Variants in RP1L1 observed in about 807,000 individuals in gnomAD.
RP1L1 encodes the protein retinitis pigmentosa 1-like 1 protein.
In RP1L1, 27 loss-of-function variants were observed where a neutral mutation model predicts 15.7. That is an observed-to-expected ratio of 1.72 (90% CI 1.27 to 2.38). The LOEUF (loss-of-function observed/expected upper bound fraction) is 2.38, where lower values mean the gene tolerates loss of function less well. RP1L1 is among the 30% of genes most tolerant of loss of function. The pLI is 0.00. For synonymous variants in RP1L1, 1,813 were observed against 1,276.7 expected (o/e 1.42, Z -8.96); for missense variants, 4,798 against 3,075.9 (o/e 1.56, Z -13.24).
intron 1 of RP1L1, among the ~76,000 whole-genome samples, chr8:10,654,517 C>G (rs1199466212): frequency 6.6e-6 from 1 of 152,122 alleles, no homozygotes; most frequent in South Asian, 2.1e-4. Flanking sequence ...GGGGCAGCTG[C>G]CCACCTCTCC....
chr8:10,652,542 C>G (rs1798578155), intron 1 of RP1L1, among the ~76,000 whole-genome samples: 1 of 152,186 alleles, frequency 6.6e-6, no homozygotes. Context: ...GCTTGGAAAG[C>G]TTCAATGACT....
At position 10,612,589 on chromosome 8, in the gene RP1L1, G is replaced by A. The variant is rs371771522; in HGVS notation, c.1509C>T (p.Pro503=). The A allele has an allele frequency of 1.2e-4, 194 of 1,604,252 alleles. 1 individual carries two copies. The highest frequency in any genetic ancestry group is 3.3e-4 in the Middle Eastern group (2 of 6,058). ...GCCCTGCTCCATCTATGCATAGGCC[G>A]GGGTCCTCACCCAGGCTCCCTCCAG... is the stretch of plus-strand genomic sequence containing the variant. The part of the protein sequence containing the change: ...RKAGGSLGED[P]GLCIDGAGLG... The change falls in exon 4 of 4, where the codon CCC becomes CCT. Residue 503 remains proline, a synonymous_variant. Transcript: ENST00000382483.
intron 1 of RP1L1, among the ~76,000 whole-genome samples, chr8:10,635,937 C>A (rs946139079): frequency 6.6e-6 from 1 of 152,200 alleles, no homozygotes; most frequent in Admixed American, 6.5e-5. Context: ...CGGACAAAAC[C>A]ATCCCCATGG....
intron 2 of RP1L1, among the ~76,000 whole-genome samples, chr8:10,617,530 T>TTTTCTG (rs367833660): frequency 1.3e-4 from 19 of 149,310 alleles, no homozygotes; most frequent in African/African-American, 4.6e-4. Flanking sequence ...GTTTTTGTTT[T>TTTTCTG]TTTCTGTTTC....
intron 1 of RP1L1, among the ~76,000 whole-genome samples, chr8:10,630,639 C>T (rs1798226972): frequency 6.6e-6 from 1 of 152,234 alleles, no homozygotes; most frequent in Non-Finnish European, 1.5e-5. Context: ...TGCCTGGGCT[C>T]TGCCTCCCTA....
At position 10,622,877 on chromosome 8, in the gene RP1L1, G is replaced by T. The variant is rs753986463; in HGVS notation, c.325C>A (p.Pro109Thr). The change falls in exon 2 of 4, where the codon CCC (proline) becomes ACC (threonine). Residue 109 changes from proline to threonine, a missense_variant. Transcript: ENST00000382483. The part of the protein sequence containing the change: ...GGCYLCSDKK[P>T]PKTPSGPGRP... ...CCTGGTCCACTGGGGGTCTTGGGGG[G>T]CTTCTTATCAGAGCAGAGGTAGCAG... 9 of 1,613,352 alleles carry T rather than the reference G, an allele frequency of 5.6e-6. No homozygotes were observed. The Admixed American group carries it at 1.0e-4, about 18-fold the overall frequency.
chr8:10,612,345 T>C lies in RP1L1; in HGVS notation c.1753A>G (p.Arg585Gly), dbSNP rs767949121. The C allele has an allele frequency of 3.8e-5, 62 of 1,613,062 alleles. No individual in the cohort carries two copies. Among genetic ancestry groups the C allele is most frequent in the Non-Finnish European group, 4.9e-5 (58 of 1,180,030 alleles). ...GTCTCTGCCTGCAGGTCGTCACTCC[T>C]TAAAGATGAAAGACTCAGGGCTGGA... ...ASPALSLSSLRSDDLQAETQG... is the reference protein window; with the variant it reads ...ASPALSLSSLGSDDLQAETQG... Residue 585 changes from arginine (R) to glycine (G), a missense_variant, in exon 4 of 4, where the codon AGG (arginine) becomes GGG (glycine). Transcript: ENST00000382483.
rs1456536093 is a variant in RP1L1 at position 10,606,903 on chromosome 8, C to G, written c.7195G>C (p.Asp2399His). ...TTCTAGCTTGATCTTGTCTAGAAAT[C>G]TAAGTCATCTTGGCCAAAGCCGTCT... ...RADGFGQDDL[D>H]F Residue 2399 changes from aspartate to histidine, a missense_variant, in exon 4 of 4, where the codon GAT becomes CAT. Asp to His is a moderately conservative substitution (Grantham distance 81). Transcript: ENST00000382483. 2 of 1,614,220 alleles carry G rather than the reference C, an allele frequency of 1.2e-6. No individual in the cohort carries two copies. The highest frequency in any genetic ancestry group is 2.2e-5 in the South Asian group (2 of 91,078).
chr8:10,647,196 C>T (rs926680962), intron 1 of RP1L1, among the ~76,000 whole-genome samples: 2 of 152,242 alleles, frequency 1.3e-5, no homozygotes, highest in African/African-American at 2.4e-5. Flanking sequence ...CTCCCTATAA[C>T]GGAGACTGGT....
Position 10,608,033 on chromosome 8 carries a change from C to G in RP1L1, c.6065G>C (p.Gly2022Ala), listed in dbSNP as rs1405312380. 6.2e-7 allele frequency: 1 copy of G among 1,607,396 alleles called. No homozygotes were observed. The highest frequency in any genetic ancestry group is 2.3e-5 in the East Asian group (1 of 44,324). ...TTCTGACTTTGGCTGGGCCTCTACA[C>G]CGTCTGACTCTGGCTGGGCCTCCTC... ...AEEEAQPESD[G>A]VEAQPKSEGE... Residue 2022 changes from glycine (G) to alanine (A), a missense_variant, in exon 4 of 4, where the codon GGT (glycine) becomes GCT (alanine). By Grantham distance (60) the Gly-to-Ala change is moderately conservative (BLOSUM62 0). Transcript: ENST00000382483.
At chr8:10,648,168 A>T (rs1026505238) in intron 1 of RP1L1, among the ~76,000 whole-genome samples, 2 of 151,888 alleles carry the variant, frequency 1.3e-5, no homozygotes, top group African/African-American at 4.8e-5. Flanking sequence ...AGTAGCTGGG[A>T]CTATAGGCAT....
rs767232077 is a variant in RP1L1 at position 10,610,545 on chromosome 8, C to T, written c.3553G>A (p.Gly1185Arg). 3 of 1,613,730 alleles carry T rather than the reference C, an allele frequency of 1.9e-6. No homozygotes were observed. The highest frequency in any genetic ancestry group is 2.5e-6 in the Non-Finnish European group (3 of 1,180,018). ...LTWSQALPDL[G>R]SHAMTENFTP... ...AAGTTCTCCGTCATGGCATGGGACCCAAGGTCTGGCAGAGCCTGGCTCCAT... is the reference window on the plus strand; with the variant it reads ...AAGTTCTCCGTCATGGCATGGGACCTAAGGTCTGGCAGAGCCTGGCTCCAT... The change falls in exon 4 of 4, where the codon GGG becomes AGG. Residue 1185 changes from glycine to arginine, a missense_variant. Coordinates refer to ENST00000382483, the MANE Select transcript of RP1L1 (RefSeq NM_178857.6).
In RP1L1 at chr8:10,611,420, C is replaced by G; in HGVS notation, c.2678G>C (p.Arg893Pro). The G allele has an allele frequency of 6.3e-7, 1 of 1,586,850 alleles. No homozygotes were observed. Among genetic ancestry groups the G allele is most frequent in the Non-Finnish European group, 8.6e-7 (1 of 1,168,710 alleles). ...TGGGGACGGCGTGGGGCCTGGCTGG[C>G]GTGTCCCCTCCTGCGGGCTCCCACC... Reference protein sequence around the residue: ...GPGGSPQEGTRQPGPTPSPGP... With the variant: ...GPGGSPQEGTPQPGPTPSPGP... Residue 893 changes from arginine (R) to proline (P), a missense_variant, in exon 4 of 4, where the codon CGC becomes CCC. Coordinates refer to ENST00000382483, the MANE Select transcript of RP1L1 (RefSeq NM_178857.6).
rs772895975 is a variant in RP1L1 at position 10,609,274 on chromosome 8, G to C, written c.4824C>G (p.His1608Gln). Residue 1608 changes from histidine (H) to glutamine (Q), a missense_variant, in exon 4 of 4, where the codon CAC becomes CAG. Coordinates refer to ENST00000382483, the MANE Select transcript of RP1L1 (RefSeq NM_178857.6). ...ELLLQTQQRR[H>Q]RLRGLRNLSA... ...AGAGGTTTCGCAGGCCCCGGAGACG[G>C]TGTCTGCGCTGCTGGGTCTGCAGGA... 6.2e-7 allele frequency: 1 copy of C among 1,609,894 alleles called. No individual in the cohort carries two copies. The highest frequency in any genetic ancestry group is 2.2e-5 in the East Asian group (1 of 44,842).
chr8:10,637,020 C>T (rs1470542196), intron 1 of RP1L1, among the ~76,000 whole-genome samples: 1 of 152,218 alleles, frequency 6.6e-6, no homozygotes, highest in Non-Finnish European at 1.5e-5. Context: ...GTGTACAAAG[C>T]ATCGTCACTC....
intron 1 of RP1L1, among the ~76,000 whole-genome samples, chr8:10,624,282 T>C (rs1158431366): frequency 6.6e-6 from 1 of 152,226 alleles, no homozygotes; most frequent in East Asian, 1.9e-4. Flanking sequence ...TAGTAGGACA[T>C]GGCACCGATC....
rs1030355832 is a variant in RP1L1 at position 10,613,320 on chromosome 8, T to G, written c.778A>C (p.Ser260Arg). Residue 260 changes from serine to arginine, a missense_variant, in exon 4 of 4, where the codon AGT becomes CGT. Physicochemically the swap from Ser to Arg is moderately radical, Grantham distance 110 (BLOSUM62 -1). Transcript: ENST00000382483. ...NGSWGPKTKP[S>R]VIHSRSPPGS... ...GGCGGAGACCGCGAATGGATCACACTCGGCTTGGTCTTTGGCCCCCAGCTC... is the reference window on the plus strand; with the variant it reads ...GGCGGAGACCGCGAATGGATCACACGCGGCTTGGTCTTTGGCCCCCAGCTC... 1 of 1,600,852 alleles carries G rather than the reference T, an allele frequency of 6.2e-7. No individual in the cohort carries two copies. The highest frequency in any genetic ancestry group is 1.3e-5 in the African/African-American group (1 of 75,042).
rs748029366 is a variant in RP1L1 at position 10,611,775 on chromosome 8, G to C, written c.2323C>G (p.Pro775Ala). Residue 775 changes from proline to alanine, a missense_variant, in exon 4 of 4, where the codon CCC becomes GCC. Pro to Ala is a conservative substitution (Grantham distance 27). Transcript: ENST00000382483. ...DAGSRTCSPA[P>A]IPPHTSDSCS... ...GAGTCGGATGTGTGGGGAGGTATGG[G>C]GGCCGGCGAGCATGTCCTGGACCCC... The C allele has an allele frequency of 8.1e-6, 13 of 1,613,546 alleles. No individual in the cohort carries two copies. In the African/African-American group the frequency reaches 1.2e-4, roughly 15 times the overall value.
rs537133524 is a variant in RP1L1 at position 10,623,211 on chromosome 8, G to T, written c.-10C>A. On this transcript the variant is annotated 5_prime_UTR_variant, in exon 2 of 4. Coordinates refer to ENST00000382483, the MANE Select transcript of RP1L1 (RefSeq NM_178857.6). ...TGGGGGTGCTGTTCATGGTGTGGGG[G>T]CTCTGGCCGCTGTAACAGGGCAGAG... The T allele has an allele frequency of 7.8e-6, 12 of 1,537,246 alleles. No individual in the cohort carries two copies. The South Asian group carries it at 1.1e-4, about 15-fold the overall frequency.
Sources: allele counts gnomAD v4.1 joint callset (sites outside exome capture counted in the v4.1 genomes callset), GRCh38; gene constraint gnomAD v4.1.1; transcripts MANE v1.5; gene names NCBI Gene and HGNC (gene_info 2026-07-23, HGNC 2026-07-21).